Variants in SLC4A5 observed in about 807,000 individuals in gnomAD.
The protein encoded by SLC4A5 is electrogenic sodium bicarbonate cotransporter 4.
In SLC4A5, 96 loss-of-function variants were observed where a neutral mutation model predicts 120.4. That is an observed-to-expected ratio of 0.80 (90% CI 0.68 to 0.94). The LOEUF is 0.94. SLC4A5 is among the 40% of genes least tolerant of loss of function. SLC4A5 has a pLI of 0.00. For missense variants in SLC4A5, 1,259 were observed against 1,459.5 expected (o/e 0.86, Z 2.24); for synonymous variants, 550 against 571.1 (o/e 0.96, Z 0.53).
exon 27 of SLC4A5, chr2:74,227,051 C>T (rs756558917): frequency 1.4e-5 from 22 of 1,613,988 alleles, no homozygotes; most frequent in Non-Finnish European, 1.5e-5. Context: ...GTGGATCCGG[C>T]GCAGCGGCAC....
intron 8 of SLC4A5, among the ~76,000 whole-genome samples, chr2:74,284,214 G>C (rs1270269278): frequency 1.5e-5 from 1 of 66,918 alleles, no homozygotes; most frequent in Non-Finnish European, 2.2e-5. Context: ...CTGTCGCCCA[G>C]GTCGGACTGC....
chr2:74,341,256 T>C (rs921498979), intron 2 of SLC4A5, among the ~76,000 whole-genome samples: 1 of 148,256 alleles, frequency 6.7e-6, no homozygotes, highest in Non-Finnish European at 1.5e-5. Context: ...AGCGAGCCAA[T>C]TATTGTGCCA....
At chr2:74,306,838 C>T (rs544789051) in intron 6 of SLC4A5, 120 of 653,990 alleles carry the variant, frequency 1.8e-4, no homozygotes, top group South Asian at 1.7e-3. Flanking sequence ...TCCAGGGCAT[C>T]ACCAAGATTG....
At chr2:74,309,281 T>C (rs1469730812) in intron 6 of SLC4A5, among the ~76,000 whole-genome samples, 1 of 151,996 alleles carries the variant, frequency 6.6e-6, no homozygotes, top group African/African-American at 2.4e-5. Context: ...TTGCTGAAAA[T>C]ATTATTCTTC....
intron 6 of SLC4A5, among the ~76,000 whole-genome samples, chr2:74,305,721 C>CTTTTT (rs35627197): frequency 1.2e-4 from 14 of 115,342 alleles, no homozygotes; most frequent in African/African-American, 2.9e-4. Context: ...CTTTTCTTTC[C>CTTTTT]TTTTTTTTTT....
At chr2:74,247,572 T>C (rs560300109) in intron 18 of SLC4A5, among the ~76,000 whole-genome samples, 6 of 152,128 alleles carry the variant, frequency 3.9e-5, no homozygotes, top group African/African-American at 1.4e-4. Context: ...TGGACTGCAA[T>C]GGCGTGATCT....
At chr2:74,300,337 A>C (rs1277791630) in intron 7 of SLC4A5, among the ~76,000 whole-genome samples, 1 of 152,212 alleles carries the variant, frequency 6.6e-6, no homozygotes, top group Non-Finnish European at 1.5e-5. Flanking sequence ...AAGTGTTCTT[A>C]CCATACACTC....
exon 28 of SLC4A5, chr2:74,224,868 T>C: frequency 6.2e-7 from 1 of 1,613,432 alleles, no homozygotes; most frequent in Non-Finnish European, 8.5e-7. Flanking sequence ...GTGGGCCCCT[T>C]TTTTTCTCTT....
chr2:74,218,962 T>A (rs1694526260), intron 30 of SLC4A5, among the ~76,000 whole-genome samples, 170 bp from the exon 31 acceptor site: 1 of 152,220 alleles, frequency 6.6e-6, no homozygotes, highest in Non-Finnish European at 1.5e-5. Context: ...ACGCATCTGG[T>A]CTCACCCTGT....
At chr2:74,312,240 T>C (rs1227096809) in intron 6 of SLC4A5, among the ~76,000 whole-genome samples, 1 of 141,294 alleles carries the variant, frequency 7.1e-6, no homozygotes, top group African/African-American at 2.6e-5. Flanking sequence ...TGTGTGTGTG[T>C]ATATGTGTGT....
At chr2:74,243,738 C>T (rs766830232) in intron 19 of SLC4A5, among the ~76,000 whole-genome samples, 7 of 152,194 alleles carry the variant, frequency 4.6e-5, no homozygotes, top group African/African-American at 1.2e-4. Flanking sequence ...TCTTTTATAT[C>T]GAGAACTCTG....
intron 5 of SLC4A5, among the ~76,000 whole-genome samples, chr2:74,318,017 A>T (rs1347814968): frequency 6.6e-6 from 1 of 152,234 alleles, no homozygotes; most frequent in Non-Finnish European, 1.5e-5. Flanking sequence ...AACCATTAAA[A>T]CTATGTAGTA....
At chr2:74,248,206 G>A (rs1670678591) in intron 18 of SLC4A5, 147 bp downstream of exon 18, 1 of 1,100,388 alleles carries the variant, frequency 9.1e-7, no homozygotes, top group Non-Finnish European at 1.3e-6. Flanking sequence ...AGTCAGGAGG[G>A]GCCACCTGGT....
intron 4 of SLC4A5, among the ~76,000 whole-genome samples, chr2:74,333,192 AG>A: frequency 6.6e-6 from 1 of 152,350 alleles, no homozygotes. Context: ...GGTAGTGGTC[AG>A]AAATGCTGCT....
At chr2:74,322,835 A>C (rs1447046378) in intron 5 of SLC4A5, among the ~76,000 whole-genome samples, 1 of 152,198 alleles carries the variant, frequency 6.6e-6, no homozygotes, top group Non-Finnish European at 1.5e-5. Context: ...AGTGACTATG[A>C]AGAAAAGAAA....
Position 74,242,054 on chromosome 2 carries a change from T to C in SLC4A5, c.2060-2A>G. On this transcript the variant is annotated splice_acceptor_variant, in intron 19 of 30. Coordinates refer to ENST00000394019, the Ensembl canonical transcript of SLC4A5. LOFTEE classifies it high-confidence loss of function. ...AAGCATTGAACACGGTTGTATTCACTGTGGATGAGCACATGACACGGGGCA... is the reference window on the plus strand; with the variant it reads ...AAGCATTGAACACGGTTGTATTCACCGTGGATGAGCACATGACACGGGGCA... 2 of 1,604,714 alleles carry C rather than the reference T, an allele frequency of 1.2e-6. No individual in the cohort carries two copies. Among genetic ancestry groups the C allele is most frequent in the Non-Finnish European group, 1.7e-6 (2 of 1,173,786 alleles).
intron 10 of SLC4A5, 32 bp from the exon 11 acceptor site, chr2:74,262,264 G>C (rs371119346): frequency 1.9e-6 from 3 of 1,599,626 alleles, no homozygotes; most frequent in Admixed American, 1.7e-5. Flanking sequence ...ACTTGGCTTC[G>C]ACAGCCTTGC....
rs4853021 is a variant in SLC4A5, at chr2:74,310,063, T to C, written c.79+4882A>G. Among the ~76,000 whole-genome samples the C allele has an allele frequency of 9.7e-3, 1,484 of 152,322 alleles. 5 individuals are homozygous for C. The highest frequency in any genetic ancestry group is 0.015 in the Admixed American group (227 of 15,280). ...CATTTTGTTAGATTTATGTCTAAAA[T>C]TTTTGGTGCTAGTGTATCATGTCTT... On this transcript the variant is annotated intron_variant, in intron 6 of 30. Coordinates refer to ENST00000394019, the Ensembl canonical transcript of SLC4A5.
chr2:74,298,199 C>T (rs1177405473), intron 7 of SLC4A5, among the ~76,000 whole-genome samples: 1 of 152,126 alleles, frequency 6.6e-6, no homozygotes, highest in South Asian at 2.1e-4. Flanking sequence ...GTAATCTAAA[C>T]AGTATGGTAC....
Sources: gnomAD v4.1 joint callset for allele counts (sites outside exome capture counted in the v4.1 genomes callset) on GRCh38, gnomAD v4.1.1 for gene constraint, MANE v1.5 for transcripts, NCBI Gene and HGNC (gene_info 2026-07-23, HGNC 2026-07-21) for gene names.